TGFBR2: variants seen among roughly 807,000 people sequenced by gnomAD.
The protein encoded by TGFBR2 is transforming growth factor beta receptor 2, also known as TGF-beta receptor type-2.
TGFBR2 carries 18 observed loss-of-function variants against 49.0 expected under a neutral mutation model. The observed-to-expected ratio is 0.37, with a 90% CI of 0.25 to 0.54. TGFBR2 has a LOEUF of 0.54. Among genes scored for constraint, TGFBR2 ranks in the 20% least tolerant of loss-of-function variants. The pLI is 0.85. For synonymous variants in TGFBR2, 282 were observed against 275.9 expected, an observed-to-expected ratio of 1.02 and a Z score of -0.22; for missense variants, 525 against 722.6, an observed-to-expected ratio of 0.73 and a Z score of 3.13.
intron 1 of TGFBR2, among the ~76,000 whole-genome samples, chr3:30,630,457 A>G (rs939158645): frequency 6.6e-6 from 1 of 152,238 alleles, no homozygotes; most frequent in African/African-American, 2.4e-5. Context: ...CATGGATGGA[A>G]GGAGCCAGCT....
chr3:30,607,354 G>A, intron 1 of TGFBR2, among the ~76,000 whole-genome samples: 1 of 152,216 alleles, frequency 6.6e-6, no homozygotes, highest in East Asian at 1.9e-4. Context: ...AAAGCAGCCA[G>A]CGCACCTGGG....
At chr3:30,635,245 G>A (rs1698507391) in intron 1 of TGFBR2, among the ~76,000 whole-genome samples, 3 of 152,160 alleles carry the variant, frequency 2.0e-5, no homozygotes, top group African/African-American at 7.2e-5. Context: ...GCAACAATGT[G>A]TAGATATTTC....
intron 5 of TGFBR2, among the ~76,000 whole-genome samples, chr3:30,679,251 A>G (rs1197326834): frequency 6.6e-6 from 1 of 152,196 alleles, no homozygotes; most frequent in Non-Finnish European, 1.5e-5. Context: ...CAGGGAGTGC[A>G]GTGTTATGGT....
intron 3 of TGFBR2, among the ~76,000 whole-genome samples, chr3:30,669,088 C>T (rs533742599): frequency 3.3e-4 from 41 of 123,486 alleles, no homozygotes; most frequent in Admixed American, 2.8e-3. Flanking sequence ...CCAGCCTGGC[C>T]AACATGGTGA....
At chr3:30,683,150 C>A (rs1287396059) in intron 5 of TGFBR2, among the ~76,000 whole-genome samples, 1 of 152,168 alleles carries the variant, frequency 6.6e-6, no homozygotes, top group East Asian at 1.9e-4. Flanking sequence ...TTTCAATATT[C>A]TTTGTCTGAC....
intron 3 of TGFBR2, among the ~76,000 whole-genome samples, chr3:30,669,563 G>A (rs910107682): frequency 2.6e-5 from 4 of 152,278 alleles, no homozygotes; most frequent in Non-Finnish European, 4.4e-5. Context: ...CAGGTATGAC[G>A]TTTACATAGT....
chr3:30,628,618 G>T (rs1434779970), intron 1 of TGFBR2, among the ~76,000 whole-genome samples: 1 of 137,098 alleles, frequency 7.3e-6, no homozygotes, highest in East Asian at 2.3e-4. Flanking sequence ...TAATCTGTGT[G>T]CCTGGGCTCT....
intron 3 of TGFBR2, among the ~76,000 whole-genome samples, chr3:30,660,199 G>A (rs1699094731): frequency 6.6e-6 from 1 of 152,102 alleles, no homozygotes; most frequent in Admixed American, 6.6e-5. Flanking sequence ...TGGTTCCAAT[G>A]TCAAGAACAA....
chr3:30,691,802 A>T lies in TGFBR2; in HGVS notation c.*203A>T, dbSNP rs1056315374. On this transcript the variant is annotated 3_prime_UTR_variant, in exon 7 of 7. Coordinates refer to ENST00000295754, the MANE Select transcript of TGFBR2 (RefSeq NM_003242.6). ...CATTCTATGCCTTTGACATTGTCATAGGATAAGCTGTGTTAGCACTTCCTC... is the reference window on the plus strand; with the variant it reads ...CATTCTATGCCTTTGACATTGTCATTGGATAAGCTGTGTTAGCACTTCCTC... The T allele has an allele frequency of 6.8e-5, 41 of 600,638 alleles. No homozygotes were observed. Among genetic ancestry groups the T allele is most frequent in the African/African-American group, 1.1e-4 (6 of 53,878 alleles). The allele number at this position is 600,638 out of a possible 1,614,324, so 37.2% of individuals were successfully genotyped here.
At chr3:30,612,802 A>C (rs920528893) in intron 1 of TGFBR2, among the ~76,000 whole-genome samples, 2 of 152,210 alleles carry the variant, frequency 1.3e-5, no homozygotes, top group Admixed American at 1.3e-4. Context: ...ATAACAAAGA[A>C]GAAGGGGACA....
intron 1 of TGFBR2, among the ~76,000 whole-genome samples, chr3:30,611,420 G>A (rs1047779166): frequency 2.0e-5 from 3 of 152,254 alleles, no homozygotes; most frequent in South Asian, 4.1e-4. Flanking sequence ...CATGAAATAT[G>A]GAAAAAGATG....
chr3:30,663,992 G>A (rs934151172), intron 3 of TGFBR2, among the ~76,000 whole-genome samples: 1 of 135,552 alleles, frequency 7.4e-6, no homozygotes, highest in African/African-American at 2.6e-5. Flanking sequence ...GGGGGGAGTT[G>A]GGGGGGCAGG....
At chr3:30,688,174 A>G (rs996953832) in intron 5 of TGFBR2, among the ~76,000 whole-genome samples, 2 of 152,212 alleles carry the variant, frequency 1.3e-5, no homozygotes, top group Admixed American at 6.5e-5. Flanking sequence ...AGTACTCAAC[A>G]ATCATTTATT....
rs757051948 is a variant in TGFBR2 at position 30,650,458 on chromosome 3, A to T, written c.452A>T (p.Glu151Val). The T allele has an allele frequency of 5.8e-5, 93 of 1,613,734 alleles. No individual in the cohort carries two copies. Among genetic ancestry groups the T allele is most frequent in the Non-Finnish European group, 7.8e-5 (92 of 1,179,898 alleles). The change falls in exon 3 of 7, where the codon GAA (glutamate) becomes GTA (valine). Residue 151 changes from glutamate (E) to valine (V), a missense_variant and splice_region_variant. This residue lies in a region of TGFBR2 where 376 missense variants were observed against 478.2 expected (regional missense o/e 0.79). Transcript: ENST00000295754. ...TGCAATGACAACATCATCTTCTCAG[A>T]AGGTGAGTTTTCTTCTCTTAAGGGT... The part of the protein sequence containing the change: ...DECNDNIIFS[E>V]EYNTSNPDLL...
chr3:30,616,555 T>C (rs1035188814), intron 1 of TGFBR2, among the ~76,000 whole-genome samples: 26 of 152,240 alleles, frequency 1.7e-4, no homozygotes, highest in Non-Finnish European at 3.7e-4. Context: ...CTCATTTTCC[T>C]TCTATACAGT....
intron 2 of TGFBR2, among the ~76,000 whole-genome samples, chr3:30,645,395 A>T (rs1457943421): frequency 6.6e-6 from 1 of 152,060 alleles, no homozygotes; most frequent in Non-Finnish European, 1.5e-5. Context: ...AACCACAAAA[A>T]CAACCTGTTT....
At chr3:30,628,528 G>T (rs1286097911) in intron 1 of TGFBR2, among the ~76,000 whole-genome samples, 1 of 80,192 alleles carries the variant, frequency 1.2e-5, no homozygotes, top group African/African-American at 5.2e-5. Context: ...AAGCCTGTGG[G>T]TTTTTTTTTT....
At chr3:30,687,181 T>C (rs1245809473) in intron 5 of TGFBR2, among the ~76,000 whole-genome samples, 1 of 152,252 alleles carries the variant, frequency 6.6e-6, no homozygotes, top group Admixed American at 6.5e-5. Context: ...TTGACCTTAG[T>C]TGAAGCCTGA....
intron 5 of TGFBR2, among the ~76,000 whole-genome samples, chr3:30,686,528 T>A (rs1024758390): frequency 2.6e-5 from 4 of 152,024 alleles, no homozygotes; most frequent in Non-Finnish European, 4.4e-5. Flanking sequence ...AGATAAATAT[T>A]CAAGTAGAGT....
Sources: allele counts gnomAD v4.1 joint callset (sites outside exome capture counted in the v4.1 genomes callset), GRCh38; gene constraint gnomAD v4.1.1; regional missense constraint gnomAD v4.1.1; transcripts MANE v1.5; gene names NCBI Gene and HGNC (gene_info 2026-07-23, HGNC 2026-07-21).